The following ZNF875 variants were observed in gnomAD, a reference collection of about 807,000 sequenced individuals.
The protein encoded by ZNF875 is zinc finger protein 875.
Under a neutral mutation model 11.2 loss-of-function variants are expected in ZNF875, and 14 were observed. That is an observed-to-expected ratio of 1.26 (90% CI 0.83 to 1.96). ZNF875 has a LOEUF of 1.96. Ranked by LOEUF, ZNF875 falls within the 30% of genes most tolerant of loss-of-function variation. ZNF875 has a pLI of 0.00. For missense variants in ZNF875, 752 were observed against 760.4 expected (o/e 0.99, Z 0.13); for synonymous variants, 301 against 281.1 (o/e 1.07, Z -0.71).
rs1398391094 is a variant in ZNF875 at position 37,362,754 on chromosome 19, A to G, written c.902A>G (p.Gln301Arg). 1.9e-6 allele frequency: 3 copies of G among 1,613,868 alleles called. No individual in the cohort carries two copies. The highest frequency in any genetic ancestry group is 3.3e-4 in the Middle Eastern group (2 of 6,058). ...FTWKSNLITH[Q>R]RTHSGEKPYV... is the part of the protein sequence containing the mutation. ...TGGAAGTCAAACCTGATCACACATC[A>G]GAGGACACACTCAGGGGAGAAACCT... Residue 301 changes from glutamine to arginine, a missense_variant, in exon 5 of 5, where the codon CAG becomes CGG. Physicochemically the swap from Gln to Arg is conservative, Grantham distance 43. Coordinates refer to ENST00000392153, the MANE Select transcript of ZNF875 (RefSeq NM_001353803.2).
upstream of ZNF875, among the ~76,000 whole-genome samples, chr19:37,331,968 A>T (rs528584744): frequency 7.8e-6 from 1 of 127,782 alleles, no homozygotes; most frequent in Non-Finnish European, 1.7e-5. Context: ...ATCTACTGAG[A>T]TAGGGAAAAA....
chr19:37,336,168 T>G (rs192882332), intron 2 of ZNF875, among the ~76,000 whole-genome samples: 82 of 152,204 alleles, frequency 5.4e-4, no homozygotes, highest in African/African-American at 2.0e-3. Flanking sequence ...TGCCCCTGAC[T>G]GGTTTGTTAA....
chr19:37,346,570 A>T (rs1460961695), intron 2 of ZNF875: 1 of 153,990 alleles, frequency 6.5e-6, no homozygotes, highest in Non-Finnish European at 1.4e-5. Context: ...AGTCTCAGAA[A>T]ATTTTCAAAC....
intron 4 of ZNF875, among the ~76,000 whole-genome samples, chr19:37,326,410 G>A (rs1431498680): frequency 6.6e-6 from 1 of 151,988 alleles, no homozygotes; most frequent in Admixed American, 6.6e-5. Flanking sequence ...CCTTTAATAT[G>A]GAGAATTATT....
intron 2 of ZNF875, among the ~76,000 whole-genome samples, chr19:37,322,545 ACTCTGGCTT>A (rs2145692246): frequency 6.6e-6 from 1 of 152,084 alleles, no homozygotes; most frequent in East Asian, 1.9e-4. Context: ...TATGCCTGGG[ACTCTGGCTT>A]TATTTATTAG....
intron 1 of ZNF875, among the ~76,000 whole-genome samples, chr19:37,319,833 T>C (rs977724874): frequency 1.3e-5 from 2 of 152,198 alleles, no homozygotes; most frequent in Non-Finnish European, 2.9e-5. Context: ...TAACCTCAGC[T>C]CTTTCATGAG....
intron 1 of ZNF875, among the ~76,000 whole-genome samples, chr19:37,319,603 A>G (rs2030957921): frequency 6.6e-6 from 1 of 151,786 alleles, no homozygotes; most frequent in Non-Finnish European, 1.5e-5. Flanking sequence ...AAATTAAGCT[A>G]TGTTTTTGTG....
At chr19:37,352,153 T>C (rs183213427) in intron 4 of ZNF875, among the ~76,000 whole-genome samples, 160 of 152,272 alleles carry the variant, frequency 1.1e-3, no homozygotes, top group Middle Eastern at 3.4e-3. Flanking sequence ...TGGAATTTCC[T>C]CCTTTGTTTT....
intron 4 of ZNF875, among the ~76,000 whole-genome samples, chr19:37,357,076 G>T (rs2039037682): frequency 6.6e-6 from 1 of 152,196 alleles, no homozygotes; most frequent in South Asian, 2.1e-4. Flanking sequence ...TATTGAATAG[G>T]GTGTCCTTTC....
chr19:37,333,386 C>G (rs1268239663), upstream of ZNF875, among the ~76,000 whole-genome samples: 1 of 152,072 alleles, frequency 6.6e-6, no homozygotes, highest in African/African-American at 2.4e-5. Context: ...AATCTTTGGC[C>G]GGGTCATTTA....
intron 4 of ZNF875, among the ~76,000 whole-genome samples, chr19:37,356,817 C>CT (rs2038991741): frequency 2.6e-5 from 4 of 152,274 alleles, no homozygotes; most frequent in Middle Eastern, 3.4e-3. Context: ...AGTGCAGAAG[C>CT]TCTTTTGCTT....
At chr19:37,341,714 A>G (rs1232746949) in intron 2 of ZNF875, among the ~76,000 whole-genome samples, 1 of 152,182 alleles carries the variant, frequency 6.6e-6, no homozygotes, top group African/African-American at 2.4e-5. Flanking sequence ...CAAGATCCCC[A>G]AAAGTTTCAT....
intron 4 of ZNF875, among the ~76,000 whole-genome samples, chr19:37,358,909 T>TATA (rs200423362): frequency 2.0e-5 from 3 of 147,896 alleles, no homozygotes; most frequent in African/African-American, 7.8e-5. Flanking sequence ...ATATATATAT[T>TATA]TTTTTTTTGA....
chr19:37,343,308 A>G (rs1415347954), intron 2 of ZNF875, among the ~76,000 whole-genome samples: 1 of 151,066 alleles, frequency 6.6e-6, no homozygotes, highest in Admixed American at 6.7e-5. Context: ...ACGTCATTGC[A>G]CTCCAGCCTA....
intron 3 of ZNF875, 135 bp downstream of exon 3, chr19:37,347,451 AATCTGGATTTAGT>A: frequency 1.2e-6 from 1 of 803,034 alleles, no homozygotes; most frequent in Non-Finnish European, 2.0e-6. Context: ...CCTCTGGGTA[AATCTGGATTTAGT>A]AGAATTGAAA....
intron 1 of ZNF875, among the ~76,000 whole-genome samples, chr19:37,318,923 T>C (rs147543190): frequency 6.6e-6 from 1 of 152,266 alleles, no homozygotes; most frequent in East Asian, 1.9e-4. Context: ...ATCTTAGTAG[T>C]AGTATTTTCC....
intron 4 of ZNF875, among the ~76,000 whole-genome samples, chr19:37,349,646 T>G (rs2037465880): frequency 6.6e-6 from 1 of 152,018 alleles, no homozygotes; most frequent in Non-Finnish European, 1.5e-5. Flanking sequence ...GTGGCCTACC[T>G]CCTTGCTTTT....
chr19:37,332,176 G>A (rs1414822367), upstream of ZNF875, among the ~76,000 whole-genome samples: 3 of 149,456 alleles, frequency 2.0e-5, no homozygotes, highest in South Asian at 2.2e-4. Context: ...CCGCCTCTTC[G>A]AGAAACACCC....
chr19:37,352,809 G>A (rs1397314564), intron 4 of ZNF875, among the ~76,000 whole-genome samples: 1 of 148,478 alleles, frequency 6.7e-6, no homozygotes, highest in African/African-American at 2.5e-5. Flanking sequence ...GTTTTTACTT[G>A]CTCTGTTTTC....
Sources: allele counts gnomAD v4.1 joint callset (sites outside exome capture counted in the v4.1 genomes callset), GRCh38; gene constraint gnomAD v4.1.1; transcripts MANE v1.5; gene names NCBI Gene and HGNC (gene_info 2026-07-23, HGNC 2026-07-21).